Variants in XRCC5 observed in about 807,000 individuals in gnomAD.
XRCC5 encodes DNA repair protein Ku80.
In XRCC5, 12 loss-of-function variants were observed where a neutral mutation model predicts 95.7. The ratio of observed to expected loss-of-function variants is 0.13; its 90% confidence interval spans 0.08 to 0.20. The LOEUF (loss-of-function observed/expected upper bound fraction) is 0.20. XRCC5 is among the 10% of genes least tolerant of loss of function. XRCC5 has a pLI of 1.00. For missense variants in XRCC5, 595 were observed against 873.9 expected, an observed-to-expected ratio of 0.68 and a Z score of 4.02; for synonymous variants, 281 against 290.3, an observed-to-expected ratio of 0.97 and a Z score of 0.33.
At chr2:216,187,402 A>G (rs1205891327) in intron 16 of XRCC5, among the ~76,000 whole-genome samples, 1 of 150,468 alleles carries the variant, frequency 6.6e-6, no homozygotes, top group Admixed American at 6.6e-5. Flanking sequence ...ATCGTTGCAA[A>G]TGGATTGTTG....
intron 5 of XRCC5, 86 bp from the exon 6 acceptor site, chr2:216,121,976 G>T: frequency 1.9e-5 from 22 of 1,174,576 alleles, no homozygotes; most frequent in Non-Finnish European, 2.4e-5. Flanking sequence ...AACTTGAAAA[G>T]GTTGACTGAT....
chr2:216,174,940 T>A, intron 16 of XRCC5: 1 of 336,582 alleles, frequency 3.0e-6, no homozygotes, highest in Non-Finnish European at 5.8e-6. Context: ...GCCAGATCCG[T>A]AACCACCACC....
intron 10 of XRCC5, among the ~76,000 whole-genome samples, chr2:216,134,191 C>G (rs965895139): frequency 6.6e-6 from 1 of 152,158 alleles, no homozygotes; most frequent in Admixed American, 6.5e-5. Context: ...TGTTTTTTAG[C>G]TCAAATATTC....
chr2:216,148,387 G>T, intron 14 of XRCC5, 111 bp downstream of exon 14: 1 of 982,278 alleles, frequency 1.0e-6, no homozygotes. Flanking sequence ...AAAGGTGAGA[G>T]GAAGAAGCCT....
chr2:216,119,236 T>G, intron 5 of XRCC5, 71 bp downstream of exon 5: 1 of 1,544,412 alleles, frequency 6.5e-7, no homozygotes, highest in Non-Finnish European at 8.9e-7. Flanking sequence ...GCCCTCTGTA[T>G]AGAGTACTTG....
intron 16 of XRCC5, among the ~76,000 whole-genome samples, chr2:216,188,015 C>T (rs187643882): frequency 6.6e-6 from 1 of 152,018 alleles, no homozygotes; most frequent in Non-Finnish European, 1.5e-5. Context: ...GACTCTCACA[C>T]ACACTTTCTC....
At chr2:216,122,567 G>C (rs1696828901) in intron 6 of XRCC5, among the ~76,000 whole-genome samples, 1 of 151,200 alleles carries the variant, frequency 6.6e-6, no homozygotes, top group Non-Finnish European at 1.5e-5. Context: ...TGCCAAGCTT[G>C]GGATACATTT....
chr2:216,165,427 G>T (rs1689038002), intron 16 of XRCC5, among the ~76,000 whole-genome samples: 1 of 152,202 alleles, frequency 6.6e-6, no homozygotes, highest in Admixed American at 6.5e-5. Flanking sequence ...TCGGAAAATG[G>T]ATTGCTTATT....
chr2:216,160,727 T>A (rs997583700), intron 15 of XRCC5, among the ~76,000 whole-genome samples: 1 of 152,080 alleles, frequency 6.6e-6, no homozygotes, highest in Non-Finnish European at 1.5e-5. Flanking sequence ...GAAGAATATT[T>A]TATTTAATTT....
intron 13 of XRCC5, among the ~76,000 whole-genome samples, chr2:216,144,679 A>C (rs550112088): frequency 6.6e-6 from 1 of 152,226 alleles, no homozygotes; most frequent in East Asian, 1.9e-4. Flanking sequence ...GAGAAAATCT[A>C]TTGGATATCC....
chr2:216,198,575 A>G (rs1304433516), intron 19 of XRCC5, among the ~76,000 whole-genome samples: 6 of 140,022 alleles, frequency 4.3e-5, no homozygotes, highest in Non-Finnish European at 6.4e-5. Flanking sequence ...ATTTATTTAG[A>G]GACAGAGTCT....
At chr2:216,122,023 A>T (rs1249798012) in intron 5 of XRCC5, 39 bp from the exon 6 acceptor site, 1 of 1,519,432 alleles carries the variant, frequency 6.6e-7, no homozygotes, top group South Asian at 1.3e-5. Context: ...TTACAGTTAC[A>T]GGATTAGAAC....
At chr2:216,187,920 T>C (rs1689537933) in intron 16 of XRCC5, among the ~76,000 whole-genome samples, 1 of 149,788 alleles carries the variant, frequency 6.7e-6, no homozygotes, top group Admixed American at 6.6e-5. Context: ...AGCCTCCTTC[T>C]TCAGCTCCCT....
At chr2:216,117,471 C>A in intron 3 of XRCC5, 2 of 446,126 alleles carry the variant, frequency 4.5e-6, no homozygotes, top group South Asian at 3.5e-5. Flanking sequence ...GTTCTAGATA[C>A]TATTAAATGA....
chr2:216,145,518 A>G (rs1454916138), intron 13 of XRCC5, among the ~76,000 whole-genome samples: 2 of 152,246 alleles, frequency 1.3e-5, no homozygotes, highest in Non-Finnish European at 2.9e-5. Context: ...TGCTTAAAAG[A>G]GAAATAAATA....
chr2:216,181,389 C>T (rs926284175), intron 16 of XRCC5, among the ~76,000 whole-genome samples: 2 of 152,124 alleles, frequency 1.3e-5, no homozygotes, highest in African/African-American at 4.8e-5. Flanking sequence ...CCCATTCAGT[C>T]CCCCATTCAA....
chr2:216,111,672 T>G (rs929966453), intron 1 of XRCC5, among the ~76,000 whole-genome samples: 1 of 152,230 alleles, frequency 6.6e-6, no homozygotes, highest in East Asian at 1.9e-4. Flanking sequence ...TGTTCATTTG[T>G]AATTAATTTT....
intron 18 of XRCC5, 115 bp from the exon 19 acceptor site, chr2:216,194,804 C>T: frequency 1.0e-6 from 1 of 980,222 alleles, no homozygotes; most frequent in African/African-American, 1.6e-5. Flanking sequence ...GACCCTGTCT[C>T]TATTTAAAAA....
At chr2:216,152,924 A>G (rs896084253) in intron 14 of XRCC5, among the ~76,000 whole-genome samples, 48 of 151,826 alleles carry the variant, frequency 3.2e-4, no homozygotes, top group African/African-American at 1.2e-3. Flanking sequence ...CTCTTTCTGT[A>G]TTTTTAGCTT....
Sources: gnomAD v4.1 joint callset for allele counts (sites outside exome capture counted in the v4.1 genomes callset) on GRCh38, gnomAD v4.1.1 for gene constraint, MANE v1.5 for transcripts, NCBI Gene and HGNC (gene_info 2026-07-23, HGNC 2026-07-21) for gene names.